Variants in LRRC4C observed in about 807,000 individuals in gnomAD.
LRRC4C encodes the protein leucine-rich repeat-containing protein 4C.
Under a neutral mutation model 33.6 loss-of-function variants are expected in LRRC4C, and 5 were observed. That is an observed-to-expected ratio of 0.15 (90% CI 0.08 to 0.31). The LOEUF is 0.31. Ranked by LOEUF, LRRC4C falls within the 10% of genes least tolerant of loss-of-function variation. The pLI is 1.00. For missense variants in LRRC4C, 560 were observed against 796.7 expected, an observed-to-expected ratio of 0.70 and a Z score of 3.58; for synonymous variants, 329 against 302.0, an observed-to-expected ratio of 1.09 and a Z score of -0.93.
At chr11:40,466,909 C>T (rs921574558) in intron 3 of LRRC4C, among the ~76,000 whole-genome samples, 6 of 151,924 alleles carry the variant, frequency 3.9e-5, no homozygotes, top group African/African-American at 1.2e-4. Flanking sequence ...AGGTCTTGAT[C>T]GCTCATGTTT....
intron 4 of LRRC4C, among the ~76,000 whole-genome samples, chr11:40,249,296 A>G (rs1313541729): frequency 2.0e-5 from 3 of 152,114 alleles, no homozygotes; most frequent in African/African-American, 2.4e-5. Flanking sequence ...CCGAGATCGC[A>G]CTACTGCACT....
intron 3 of LRRC4C, among the ~76,000 whole-genome samples, chr11:40,456,644 C>T (rs904523608): frequency 2.0e-5 from 3 of 151,862 alleles, no homozygotes; most frequent in African/African-American, 2.4e-5. Flanking sequence ...AAGAAAATTC[C>T]GTCTTTAGAT....
rs1188935873 is a variant in LRRC4C, at chr11:41,298,576, T to C, written c.-496+160855A>G. Reference sequence around the variant, plus strand: ...CTCTAAACGTAGGGCCTATGAGTAATAAGGCCAAAATAAAACAACAAAATA... The same window carrying C: ...CTCTAAACGTAGGGCCTATGAGTAACAAGGCCAAAATAAAACAACAAAATA... On this transcript the variant is annotated intron_variant, in intron 1 of 6. Coordinates refer to ENST00000528697, the MANE Select transcript of LRRC4C (RefSeq NM_001258419.2). Among the ~76,000 whole-genome samples the C allele has an allele frequency of 7.4e-4, 112 of 152,172 alleles. 1 individual carries two copies. The highest frequency in any genetic ancestry group is 5.6e-4 in the Non-Finnish European group (38 of 68,016).
At chr11:41,401,682 A>C (rs1954031748) in intron 1 of LRRC4C, among the ~76,000 whole-genome samples, 1 of 151,928 alleles carries the variant, frequency 6.6e-6, no homozygotes, top group African/African-American at 2.4e-5. Context: ...ACTAGCTGTG[A>C]AATTTTGGAC....
At chr11:41,421,498 A>G (rs546138055) in intron 1 of LRRC4C, among the ~76,000 whole-genome samples, 5 of 152,172 alleles carry the variant, frequency 3.3e-5, no homozygotes, top group East Asian at 3.9e-4. Flanking sequence ...AAAACTGCCC[A>G]GAGTAATTAT....
At chr11:41,133,630 C>T (rs1943122877) in intron 1 of LRRC4C, among the ~76,000 whole-genome samples, 1 of 151,850 alleles carries the variant, frequency 6.6e-6, no homozygotes, top group Non-Finnish European at 1.5e-5. Flanking sequence ...GGAGCAACAA[C>T]TTCCCAGCAT....
Position 41,058,721 on chromosome 11 carries a change from G to T in LRRC4C, c.-495-124998C>A, listed in dbSNP as rs180723725. 3.4e-4 allele frequency among the ~76,000 whole-genome samples: 52 copies of T among 152,248 alleles called. No individual in the cohort carries two copies. In the East Asian group the frequency reaches 9.1e-3, roughly 27 times the overall value. On this transcript the variant is annotated intron_variant, in intron 1 of 6. Transcript: ENST00000528697. ...CCTGTTATTGATAATGTACTCAAAG[G>T]AATATAAATTTTTCTACCATGAAGA... is the stretch of plus-strand genomic sequence containing the variant.
intron 1 of LRRC4C, among the ~76,000 whole-genome samples, chr11:41,109,317 CTGTT>C (rs1941693097): frequency 1.3e-5 from 2 of 152,130 alleles, no homozygotes; most frequent in South Asian, 4.1e-4. Flanking sequence ...CATGCCTTCA[CTGTT>C]TGTCTTTTAA....
At chr11:41,040,065 G>C (rs944968695) in intron 1 of LRRC4C, among the ~76,000 whole-genome samples, 1 of 150,484 alleles carries the variant, frequency 6.6e-6, no homozygotes, top group Non-Finnish European at 1.5e-5. Context: ...GTGAACCCAG[G>C]AGGCAGAGCT....
At chr11:41,209,462 T>G (rs779773731) in intron 1 of LRRC4C, among the ~76,000 whole-genome samples, 1 of 151,620 alleles carries the variant, frequency 6.6e-6, no homozygotes, top group Non-Finnish European at 1.5e-5. Context: ...GAATCATACC[T>G]CAGGTCTAAT....
intron 4 of LRRC4C, chr11:40,241,833 A>T (rs1590798469): frequency 6.6e-6 from 1 of 152,238 alleles, no homozygotes; most frequent in African/African-American, 2.4e-5. Flanking sequence ...TCCACCACAG[A>T]CAAGCAAAGC....
intron 6 of LRRC4C, among the ~76,000 whole-genome samples, chr11:40,134,764 A>G (rs1378246427): frequency 2.6e-5 from 4 of 152,186 alleles, no homozygotes; most frequent in African/African-American, 9.7e-5. Flanking sequence ...AGATCCCATG[A>G]TTCCTGACCT....
At chr11:40,550,176 A>C (rs1043586940) in intron 3 of LRRC4C, among the ~76,000 whole-genome samples, 2 of 152,166 alleles carry the variant, frequency 1.3e-5, no homozygotes, top group East Asian at 3.9e-4. Context: ...TCAATTAGTT[A>C]ATATGCATTA....
intron 1 of LRRC4C, among the ~76,000 whole-genome samples, chr11:41,304,790 G>A (rs1260322822): frequency 7.0e-5 from 6 of 85,144 alleles, no homozygotes; most frequent in Admixed American, 1.0e-4. Context: ...CCCCCCGCCC[G>A]GCCAGCCGCC....
At chr11:40,561,570 G>C (rs935379795) in intron 3 of LRRC4C, among the ~76,000 whole-genome samples, 1 of 151,808 alleles carries the variant, frequency 6.6e-6, no homozygotes, top group African/African-American at 2.4e-5. Flanking sequence ...CCGCCACCAC[G>C]CCCGGCTAAT....
chr11:41,137,706 T>C (rs1943327010), intron 1 of LRRC4C, among the ~76,000 whole-genome samples: 1 of 152,168 alleles, frequency 6.6e-6, no homozygotes, highest in African/African-American at 2.4e-5. Context: ...AAAATATAAA[T>C]AAAACAAACA....
At position 40,623,705 on chromosome 11, in the gene LRRC4C, T is replaced by G. The variant is rs532074023; in HGVS notation, c.-270+24437A>C. Among the ~76,000 whole-genome samples the G allele has an allele frequency of 4.1e-3, 618 of 152,200 alleles. 8 individuals carry two copies. Among genetic ancestry groups the G allele is most frequent in the South Asian group, 0.027 (131 of 4,832 alleles). On this transcript the variant is annotated intron_variant, in intron 3 of 6. Transcript: ENST00000528697. ...ACAATGTCCTGGCTGCTGGATGACA[T>G]GCTGAGCATGAATAACATACAAATG... is the stretch of plus-strand genomic sequence containing the variant.
intron 2 of LRRC4C, among the ~76,000 whole-genome samples, chr11:40,676,976 C>A (rs1026002304): frequency 2.6e-5 from 4 of 152,088 alleles, no homozygotes; most frequent in African/African-American, 4.8e-5. Context: ...AGACAAAGAG[C>A]TTTTTACCAT....
At chr11:41,061,695 T>C (rs1019979520) in intron 1 of LRRC4C, among the ~76,000 whole-genome samples, 3 of 152,316 alleles carry the variant, frequency 2.0e-5, no homozygotes, top group Middle Eastern at 3.4e-3. Context: ...AAATGCAACA[T>C]GGCACTGACT....
Sources: gnomAD v4.1 joint callset for allele counts (sites outside exome capture counted in the v4.1 genomes callset) on GRCh38, gnomAD v4.1.1 for gene constraint, MANE v1.5 for transcripts, NCBI Gene and HGNC (gene_info 2026-07-23, HGNC 2026-07-21) for gene names.